The following RCAN2 variants were observed in gnomAD, a reference collection of about 807,000 sequenced individuals.
RCAN2 encodes calcipressin-2.
A neutral mutation model predicts 23.6 loss-of-function variants in RCAN2; 9 were observed. That is an observed-to-expected ratio of 0.38 (90% CI 0.23 to 0.67). The LOEUF is 0.67. Ranked by LOEUF, RCAN2 falls within the 30% of genes least tolerant of loss-of-function variation. The pLI is 0.51. For synonymous variants in RCAN2, 109 were observed against 115.7 expected (o/e 0.94, Z 0.37); for missense variants, 273 against 302.3 (o/e 0.90, Z 0.72).
chr6:46,405,328 C>G (rs1766367399), intron 2 of RCAN2, among the ~76,000 whole-genome samples: 1 of 152,106 alleles, frequency 6.6e-6, no homozygotes. Flanking sequence ...ACAAAGCTTC[C>G]ACAGGGTGGA....
At chr6:46,375,864 A>C (rs1561880557) in intron 2 of RCAN2, among the ~76,000 whole-genome samples, 2 of 152,150 alleles carry the variant, frequency 1.3e-5, no homozygotes, top group Non-Finnish European at 2.9e-5. Context: ...ACTTCTTCTG[A>C]TTTTTCCCAA....
chr6:46,435,327 G>A (rs1215926931), intron 2 of RCAN2, among the ~76,000 whole-genome samples: 4 of 152,140 alleles, frequency 2.6e-5, no homozygotes, highest in Admixed American at 2.0e-4. Context: ...CCAGAGAACT[G>A]TCACTTTTCA....
intron 4 of RCAN2, among the ~76,000 whole-genome samples, chr6:46,236,803 A>G (rs888484794): frequency 1.3e-5 from 2 of 152,250 alleles, no homozygotes; most frequent in South Asian, 2.1e-4. Flanking sequence ...GCTAGCACAC[A>G]GTAGGTGTCA....
chr6:46,368,042 T>C (rs1448111904), intron 2 of RCAN2, among the ~76,000 whole-genome samples: 1 of 152,218 alleles, frequency 6.6e-6, no homozygotes, highest in East Asian at 1.9e-4. Context: ...AGGCATTTTC[T>C]GTGAAGGGCC....
chr6:46,278,399 A>C (rs570969303), intron 2 of RCAN2, among the ~76,000 whole-genome samples: 1 of 151,488 alleles, frequency 6.6e-6, no homozygotes, highest in South Asian at 2.1e-4. Flanking sequence ...ACACATACAC[A>C]CAAAAAAAAC....
intron 2 of RCAN2, among the ~76,000 whole-genome samples, chr6:46,444,762 G>GT (rs1293835950): frequency 6.6e-6 from 1 of 152,126 alleles, no homozygotes; most frequent in Non-Finnish European, 1.5e-5. Context: ...GTCCATCCCA[G>GT]TAGACCTCAC....
rs141243666 is a variant in RCAN2, at chr6:46,448,381, T to C, written c.225+8371A>G. On this transcript the variant is annotated intron_variant, in intron 2 of 4. Transcript: ENST00000371374. ...AGAAAAGCCCAGAACACGATGACTT[T>C]ATTGCTGAATTTTAACAAACATCTA... is the stretch of plus-strand genomic sequence containing the variant. Among the ~76,000 whole-genome samples the C allele has an allele frequency of 4.8e-4, 73 of 151,898 alleles. 1 individual carries two copies. The highest frequency in any genetic ancestry group is 1.5e-5 in the Non-Finnish European group (1 of 67,684).
chr6:46,412,717 CA>C (rs1766582865), intron 2 of RCAN2, among the ~76,000 whole-genome samples: 3 of 152,122 alleles, frequency 2.0e-5, no homozygotes, highest in African/African-American at 7.2e-5. Context: ...GGTCTGGCAA[CA>C]CGAAGGTTGT....
At chr6:46,414,151 A>G (rs1766631700) in intron 2 of RCAN2, among the ~76,000 whole-genome samples, 1 of 152,212 alleles carries the variant, frequency 6.6e-6, no homozygotes, top group African/African-American at 2.4e-5. Context: ...TGTAAATGGG[A>G]CTTTAAAAAT....
At chr6:46,463,053 T>A (rs1768270550) in intron 1 of RCAN2, among the ~76,000 whole-genome samples, 1 of 152,176 alleles carries the variant, frequency 6.6e-6, no homozygotes, top group African/African-American at 2.4e-5. Context: ...TACCATCAAG[T>A]AAAATCAGTC....
At chr6:46,347,972 C>T (rs1764537944) in intron 2 of RCAN2, among the ~76,000 whole-genome samples, 1 of 152,162 alleles carries the variant, frequency 6.6e-6, no homozygotes, top group Non-Finnish European at 1.5e-5. Context: ...ATAAGTAAGA[C>T]CTTTTATTGT....
At chr6:46,450,229 A>T (rs924619585) in intron 2 of RCAN2, among the ~76,000 whole-genome samples, 32 of 152,164 alleles carry the variant, frequency 2.1e-4, no homozygotes, top group African/African-American at 7.7e-4. Context: ...GATCAGGGAA[A>T]TGCAAATTAT....
chr6:46,354,630 C>T (rs1441785391), intron 2 of RCAN2, among the ~76,000 whole-genome samples: 3 of 152,180 alleles, frequency 2.0e-5, no homozygotes, highest in African/African-American at 4.8e-5. Context: ...AAGTAGGATG[C>T]CAGAATCAGT....
At chr6:46,344,324 G>T (rs1454865929) in intron 2 of RCAN2, among the ~76,000 whole-genome samples, 4 of 151,994 alleles carry the variant, frequency 2.6e-5, no homozygotes, top group Admixed American at 2.6e-4. Flanking sequence ...CTCTAGAAAT[G>T]ATTTTTTTCA....
intron 2 of RCAN2, among the ~76,000 whole-genome samples, chr6:46,415,008 G>A (rs1271936924): frequency 6.6e-6 from 1 of 152,190 alleles, no homozygotes; most frequent in East Asian, 1.9e-4. Context: ...GGGCTCCCTA[G>A]TGGTACATAG....
chr6:46,439,142 C>A (rs947942541), intron 2 of RCAN2, among the ~76,000 whole-genome samples: 2 of 152,152 alleles, frequency 1.3e-5, no homozygotes, highest in Non-Finnish European at 2.9e-5. Context: ...CTACAGAGCC[C>A]ATTTCTTTGT....
At chr6:46,412,416 TG>T (rs58866238) in intron 2 of RCAN2, among the ~76,000 whole-genome samples, 1 of 152,088 alleles carries the variant, frequency 6.6e-6, no homozygotes. Flanking sequence ...GTACAGATTG[TG>T]GGGGGCATCA....
At chr6:46,228,497 C>G (rs1464796208) in intron 4 of RCAN2, among the ~76,000 whole-genome samples, 19 of 152,154 alleles carry the variant, frequency 1.2e-4, no homozygotes, top group Admixed American at 4.6e-4. Flanking sequence ...GTTAGCTCTT[C>G]TTGTTGAATT....
At chr6:46,455,441 C>A (rs912300907) in intron 2 of RCAN2, among the ~76,000 whole-genome samples, 1 of 152,066 alleles carries the variant, frequency 6.6e-6, no homozygotes, top group Non-Finnish European at 1.5e-5. Context: ...GTAAATCAGA[C>A]TTCCAGTAAT....
Sources: gnomAD v4.1 joint callset for allele counts (sites outside exome capture counted in the v4.1 genomes callset) on GRCh38, gnomAD v4.1.1 for gene constraint, MANE v1.5 for transcripts, NCBI Gene and HGNC (gene_info 2026-07-23, HGNC 2026-07-21) for gene names.